The following CMSS1 variants were observed in gnomAD, a reference collection of about 807,000 sequenced individuals.
The protein encoded by CMSS1 is cms1 ribosomal small subunit homolog.
Under a neutral mutation model 43.5 loss-of-function variants are expected in CMSS1, and 33 were observed. The observed-to-expected ratio is 0.76, with a 90% CI of 0.57 to 1.01. The LOEUF (loss-of-function observed/expected upper bound fraction) is 1.01. CMSS1 is among the 50% of genes least tolerant of loss of function. The pLI, the probability that CMSS1 is intolerant of heterozygous loss-of-function variation, is 0.00. For missense variants in CMSS1, 313 were observed against 326.4 expected (o/e 0.96, Z 0.32); for synonymous variants, 115 against 117.2 (o/e 0.98, Z 0.12).
intron 1 of CMSS1, among the ~76,000 whole-genome samples, chr3:100,113,228 G>A (rs1169964653): frequency 6.6e-6 from 1 of 152,164 alleles, no homozygotes; most frequent in African/African-American, 2.4e-5. Flanking sequence ...CTCTTCAGTG[G>A]AGCGCCTATA....
At chr3:100,115,246 A>AT (rs760664084) in intron 1 of CMSS1, among the ~76,000 whole-genome samples, 23 of 152,140 alleles carry the variant, frequency 1.5e-4, no homozygotes, top group Non-Finnish European at 2.6e-4. Flanking sequence ...CAAGTCATGC[A>AT]TTATCTAATT....
At chr3:99,830,247 G>T (rs1942626114) in intron 1 of CMSS1, 1 of 343,252 alleles carries the variant, frequency 2.9e-6, no homozygotes, top group East Asian at 7.5e-5. Flanking sequence ...ACATATAGAA[G>T]TAAAATAATT....
At chr3:100,118,487 A>G (rs945997567) in intron 1 of CMSS1, among the ~76,000 whole-genome samples, 4 of 152,144 alleles carry the variant, frequency 2.6e-5, no homozygotes, top group African/African-American at 9.7e-5. Context: ...TGTATTAGTG[A>G]CATAGACTTT....
At chr3:100,069,606 G>C (rs911704669) in intron 1 of CMSS1, among the ~76,000 whole-genome samples, 2 of 152,142 alleles carry the variant, frequency 1.3e-5, no homozygotes, top group African/African-American at 4.8e-5. Context: ...TGAGGCACCA[G>C]ACAGTTTATA....
intron 1 of CMSS1, among the ~76,000 whole-genome samples, chr3:99,903,999 G>A (rs999777017): frequency 2.0e-5 from 3 of 152,196 alleles, no homozygotes; most frequent in Non-Finnish European, 4.4e-5. Context: ...TCTCTGGCCA[G>A]GAAGAGTAAC....
Position 100,169,219 on chromosome 3 carries a change from T to C in CMSS1, c.518+1379T>C, listed in dbSNP as rs78030255. 2.9e-4 allele frequency among the ~76,000 whole-genome samples: 44 copies of C among 152,370 alleles called. 1 individual carries two copies. In the East Asian group the frequency reaches 8.3e-3, roughly 29 times the overall value. ...AAACTTAAAGGTAAAGATTATGTTTTAAAGATAATTTGTCAGTGCTTTACT... is the reference window on the plus strand; with the variant it reads ...AAACTTAAAGGTAAAGATTATGTTTCAAAGATAATTTGTCAGTGCTTTACT... On this transcript the variant is annotated intron_variant, in intron 6 of 9. Transcript: ENST00000421999.
intron 1 of CMSS1, among the ~76,000 whole-genome samples, chr3:100,144,263 G>C (rs551141911): frequency 2.6e-5 from 4 of 152,240 alleles, no homozygotes; most frequent in South Asian, 2.1e-4. Flanking sequence ...CCTTTTTAAT[G>C]GTTGCTGAAA....
intron 1 of CMSS1, among the ~76,000 whole-genome samples, chr3:99,828,411 A>AAT (rs1553685951): frequency 7.2e-6 from 1 of 139,542 alleles, no homozygotes; most frequent in African/African-American, 2.7e-5. Flanking sequence ...ACATACGTGT[A>AAT]TTTTTTTTTT....
At chr3:99,818,358 C>A (rs983692839) in intron 1 of CMSS1, among the ~76,000 whole-genome samples, 6 of 152,106 alleles carry the variant, frequency 3.9e-5, no homozygotes, top group Admixed American at 3.9e-4. Context: ...TAAGGGTGAC[C>A]CATGAACTGC....
At chr3:99,986,074 A>G (rs1405218118) in intron 1 of CMSS1, among the ~76,000 whole-genome samples, 1 of 152,234 alleles carries the variant, frequency 6.6e-6, no homozygotes, top group East Asian at 1.9e-4. Context: ...TAATGTCTAT[A>G]AGATATTAAA....
At chr3:99,868,402 C>T (rs906076483) in intron 1 of CMSS1, among the ~76,000 whole-genome samples, 2 of 152,168 alleles carry the variant, frequency 1.3e-5, no homozygotes, top group Non-Finnish European at 2.9e-5. Context: ...AAAGGACCTC[C>T]TCTTTGGCCT....
In CMSS1 at chr3:100,067,230, C is replaced by A. The variant is rs530931817; in HGVS notation, c.65-79743C>A. Among the ~76,000 whole-genome samples, 3 of 152,214 alleles carry A rather than the reference C, an allele frequency of 2.0e-5. No homozygotes were observed. In the South Asian group the frequency reaches 6.2e-4, roughly 32 times the overall value. Reference sequence around the variant, plus strand: ...GGGAAATTTTAGCATCACAGTTGAACAAAAGTAAGGTATCCCTACTCAAAC... The same window carrying A: ...GGGAAATTTTAGCATCACAGTTGAAAAAAAGTAAGGTATCCCTACTCAAAC... On this transcript the variant is annotated intron_variant, in intron 1 of 9. Coordinates refer to ENST00000421999, the MANE Select transcript of CMSS1 (RefSeq NM_032359.4).
intron 1 of CMSS1, among the ~76,000 whole-genome samples, chr3:100,091,284 C>CAAA (rs570908389): frequency 1.0e-3 from 61 of 59,054 alleles, no homozygotes; most frequent in Non-Finnish European, 1.7e-3. Context: ...GACTCCGTCT[C>CAAA]AAAAAAAAAA....
intron 1 of CMSS1, chr3:99,924,259 GA>G: frequency 6.2e-7 from 1 of 1,613,966 alleles, no homozygotes; most frequent in Non-Finnish European, 8.5e-7. Flanking sequence ...GTAGGCATAT[GA>G]ATTCATCACT....
At chr3:100,176,048 T>G (rs542400690) in intron 8 of CMSS1, among the ~76,000 whole-genome samples, 1 of 152,142 alleles carries the variant, frequency 6.6e-6, no homozygotes, top group Non-Finnish European at 1.5e-5. Context: ...TGGGGCTTCA[T>G]GAAATGGATG....
intron 1 of CMSS1, among the ~76,000 whole-genome samples, chr3:99,832,519 T>G (rs1158004157): frequency 1.5e-5 from 2 of 132,384 alleles, no homozygotes; most frequent in African/African-American, 5.6e-5. Context: ...TGTGAGCCAC[T>G]GCGCCCAGCC....
At chr3:99,955,845 C>T (rs1214344651) in intron 1 of CMSS1, among the ~76,000 whole-genome samples, 1 of 152,114 alleles carries the variant, frequency 6.6e-6, no homozygotes, top group African/African-American at 2.4e-5. Context: ...CAGATATTCC[C>T]CCTCCAGGAA....
intron 1 of CMSS1, among the ~76,000 whole-genome samples, chr3:100,014,327 T>C (rs2107205554): frequency 6.6e-6 from 1 of 152,238 alleles, no homozygotes; most frequent in South Asian, 2.1e-4. Flanking sequence ...CTTTTCAAGA[T>C]ACTTATTTCA....
intron 8 of CMSS1, among the ~76,000 whole-genome samples, chr3:100,174,313 A>G (rs1219792592): frequency 1.3e-5 from 2 of 151,932 alleles, no homozygotes; most frequent in African/African-American, 4.8e-5. Flanking sequence ...AAGATTCACC[A>G]CCAGCCCCTC....
Sources: gnomAD v4.1 joint callset for allele counts (sites outside exome capture counted in the v4.1 genomes callset) on GRCh38, gnomAD v4.1.1 for gene constraint, MANE v1.5 for transcripts, NCBI Gene and HGNC (gene_info 2026-07-23, HGNC 2026-07-21) for gene names.